ABR: variants seen among roughly 807,000 people sequenced by gnomAD.
The protein encoded by ABR is active breakpoint cluster region-related protein.
In ABR, 35 loss-of-function variants were observed where a neutral mutation model predicts 107.2. The ratio of observed to expected loss-of-function variants is 0.33; its 90% confidence interval spans 0.25 to 0.43. ABR has a LOEUF of 0.43. Ranked by LOEUF, ABR falls within the 20% of genes least tolerant of loss-of-function variation. ABR has a pLI of 1.00. For synonymous variants in ABR, 498 were observed against 462.0 expected (o/e 1.08, Z -1.00); for missense variants, 815 against 1,115.2 (o/e 0.73, Z 3.83).
rs576296776 is a variant in ABR at position 1,200,383 on chromosome 17, T to A, written c.838+28410A>T. 5.7e-4 allele frequency among the ~76,000 whole-genome samples: 86 copies of A among 151,982 alleles called. No homozygotes were observed. The highest frequency in any genetic ancestry group is 1.8e-3 in the African/African-American group (73 of 41,458). ...AAGACACTGTCTCCATTAAAAAAAA[T>A]TTTTTTAAATAAAGTCTATGGGAGA... On this transcript the variant is annotated intron_variant, in intron 1 of 22. Transcript: ENST00000574139. This position sits in a 1 kb window ranked among gnomAD's most constrained non-coding sequence, Gnocchi z 4.1.
chr17:1,006,020 G>A lies in ABR; in HGVS notation c.*60C>T. ...TTCTATTGCAGTCTTTCAAGTCTGA[G>A]TTGGACCCCAGGCTGGAGGGGCTGG... On this transcript the variant is annotated 3_prime_UTR_variant, in exon 23 of 23. Transcript: ENST00000302538. 1.4e-6 allele frequency: 2 copies of A among 1,433,994 alleles called. No individual in the cohort carries two copies. Among genetic ancestry groups the A allele is most frequent in the East Asian group, 5.0e-5 (2 of 40,376 alleles). 88.8% of individuals were successfully genotyped at this position (1,433,994 alleles called of 1,614,324 possible).
At chr17:1,192,938 C>G (rs543066214) in intron 1 of ABR, among the ~76,000 whole-genome samples, 1 of 152,174 alleles carries the variant, frequency 6.6e-6, no homozygotes, top group East Asian at 1.9e-4. Context: ...ATCCCAGCTA[C>G]TGGGGAGGCT....
At chr17:1,106,423 G>GCA (rs35089600) in intron 2 of ABR, among the ~76,000 whole-genome samples, 78,757 of 150,664 alleles carry the variant, frequency 0.52, 20,837 homozygotes, top group East Asian at 0.77. Flanking sequence ...CCCTTGGCCT[G>GCA]CACACACACA....
intron 2 of ABR, chr17:1,109,119 C>CGGGA (rs765039411): frequency 4.4e-4 from 586 of 1,320,726 alleles, no homozygotes; most frequent in Non-Finnish European, 5.6e-4. Context: ...CACGCAGCGG[C>CGGGA]GGCGGGAGGA....
In ABR at chr17:1,148,173, G is replaced by A. The variant is rs1022366280; in HGVS notation, c.62-22806C>T. 3.9e-5 allele frequency among the ~76,000 whole-genome samples: 6 copies of A among 152,208 alleles called. No homozygotes were observed. Among genetic ancestry groups the A allele is most frequent in the Non-Finnish European group, 7.3e-5 (5 of 68,034 alleles). ...ATTCCTAAGAGCATTATTGACACTT[G>A]CCAAAAAACAGAAACACCTCAAGTG... On this transcript the variant is annotated intron_variant, in intron 1 of 22. Coordinates refer to ENST00000302538, the MANE Select transcript of ABR (RefSeq NM_021962.5). The surrounding 1 kb of genome is among the most constrained non-coding windows in gnomAD (Gnocchi z 4.9).
intron 3 of ABR, 112 bp from the exon 4 acceptor site, chr17:1,091,962 A>C: frequency 8.8e-7 from 1 of 1,130,492 alleles, no homozygotes; most frequent in Non-Finnish European, 1.3e-6. Flanking sequence ...CTGCCCAGAC[A>C]AGGCTGCCAA....
intron 1 of ABR, among the ~76,000 whole-genome samples, chr17:1,130,801 G>C (rs1255042240): frequency 6.6e-6 from 1 of 152,212 alleles, no homozygotes; most frequent in East Asian, 1.9e-4. Flanking sequence ...AGAAGACAGA[G>C]GCAAGGTTTG....
At position 1,079,455 on chromosome 17, in the gene ABR, A is replaced by G. The variant is rs2036033037; in HGVS notation, c.640-65T>C. ...CTCACCTCTCCCAGCCCCCACTGTGAGCCTGGCAAGAAGGGGAGTTCTGAA... is the reference window on the plus strand; with the variant it reads ...CTCACCTCTCCCAGCCCCCACTGTGGGCCTGGCAAGAAGGGGAGTTCTGAA... On this transcript the variant is annotated intron_variant, in intron 5 of 22. Transcript: ENST00000302538. The G allele has an allele frequency of 4.1e-6, 6 of 1,464,108 alleles. No individual in the cohort carries two copies. In the South Asian group the frequency reaches 5.9e-5, roughly 14 times the overall value. 90.7% of individuals were successfully genotyped at this position (1,464,108 alleles called of 1,614,324 possible). A position where few individuals can be genotyped will look rare whatever the true frequency, so the allele number is the denominator to read the frequency against.
chr17:1,005,522 G>T lies in ABR; in HGVS notation c.*558C>A. ...ACCACTGCTGCCGCGGCAACCCAGGGCCTCTTCAGAGCTTTCAAGGCGATG... is the reference window on the plus strand; with the variant it reads ...ACCACTGCTGCCGCGGCAACCCAGGTCCTCTTCAGAGCTTTCAAGGCGATG... On this transcript the variant is annotated 3_prime_UTR_variant, in exon 23 of 23. Transcript: ENST00000302538. 4.7e-6 allele frequency: 1 copy of T among 212,316 alleles called. No individual in the cohort carries two copies. The highest frequency in any genetic ancestry group is 1.0e-4 in the East Asian group (1 of 9,896). The allele number at this position is 212,316 out of a possible 1,614,324, so 13.2% of individuals were successfully genotyped here. A position where few individuals can be genotyped will look rare whatever the true frequency, so the allele number is the denominator to read the frequency against.
intron 6 of ABR, among the ~76,000 whole-genome samples, chr17:1,077,942 G>A (rs962412866): frequency 3.9e-5 from 6 of 152,196 alleles, no homozygotes; most frequent in African/African-American, 7.2e-5. Flanking sequence ...TCTTGAGGCA[G>A]GGTCCACGGG....
chr17:1,213,825 C>T (rs950734111), intron 1 of ABR, among the ~76,000 whole-genome samples: 2 of 152,162 alleles, frequency 1.3e-5, no homozygotes, highest in Non-Finnish European at 2.9e-5. Context: ...GGTTCCAAAG[C>T]GACAAAACTG....
intron 2 of ABR, among the ~76,000 whole-genome samples, chr17:1,111,121 G>A (rs1567776421): frequency 1.3e-5 from 2 of 152,160 alleles, no homozygotes; most frequent in Non-Finnish European, 2.9e-5. Flanking sequence ...ACGAAGAAGG[G>A]CCTAAAACCC....
intron 1 of ABR, among the ~76,000 whole-genome samples, chr17:1,167,236 C>G (rs537341189): frequency 3.9e-4 from 59 of 152,106 alleles, no homozygotes; most frequent in Non-Finnish European, 6.3e-4. Context: ...TAACACCCAG[C>G]TCCACCTCCT....
At chr17:1,110,381 C>T (rs1367514407) in intron 2 of ABR, among the ~76,000 whole-genome samples, 1 of 151,918 alleles carries the variant, frequency 6.6e-6, no homozygotes, top group African/African-American at 2.4e-5. Flanking sequence ...TGAGGCCAGC[C>T]GGTGAAGCGA....
chr17:1,057,900 G>A (rs970632456), intron 12 of ABR, 70 bp downstream of exon 12: 22 of 1,402,472 alleles, frequency 1.6e-5, no homozygotes, highest in East Asian at 2.3e-5. Context: ...GACATGAAAC[G>A]CTTAGAAATA....
At chr17:1,018,277 C>CAG (rs1457342598) in intron 16 of ABR, among the ~76,000 whole-genome samples, 2 of 149,980 alleles carry the variant, frequency 1.3e-5, no homozygotes, top group Non-Finnish European at 3.0e-5. Flanking sequence ...CTCCTGACCT[C>CAG]GTGATTCGCC....
At chr17:1,099,163 C>A (rs35579671) in intron 3 of ABR, among the ~76,000 whole-genome samples, 17,891 of 151,860 alleles carry the variant, frequency 0.12, 1,184 homozygotes, top group South Asian at 0.23. Context: ...ACGACCTTCG[C>A]CCCCAGATTC....
rs1248979097 is a variant in ABR, at chr17:1,078,296, C to T, written c.700+1034G>A. 1.3e-5 allele frequency among the ~76,000 whole-genome samples: 2 copies of T among 152,156 alleles called. No homozygotes were observed. The highest frequency in any genetic ancestry group is 2.1e-4 in the South Asian group (1 of 4,832). Reference sequence around the variant, plus strand: ...TGTCCTCCGCCTACTGCTGCATGTGCGCGGAGCACACAATACCGTGCCGCC... The same window carrying T: ...TGTCCTCCGCCTACTGCTGCATGTGTGCGGAGCACACAATACCGTGCCGCC... On this transcript the variant is annotated intron_variant, in intron 6 of 22. Coordinates refer to ENST00000302538, the MANE Select transcript of ABR (RefSeq NM_021962.5). The surrounding 1 kb of genome is among the most constrained non-coding windows in gnomAD (Gnocchi z 7.5).
intron 1 of ABR, among the ~76,000 whole-genome samples, chr17:1,194,977 G>A (rs2042522915): frequency 6.8e-6 from 1 of 147,572 alleles, no homozygotes; most frequent in Non-Finnish European, 1.5e-5. Flanking sequence ...ATTTTGTACA[G>A]ACAGAACCTC....
Sources: allele counts gnomAD v4.1 joint callset (sites outside exome capture counted in the v4.1 genomes callset), GRCh38; gene constraint gnomAD v4.1.1; non-coding constraint Gnocchi (gnomAD v3.1); transcripts MANE v1.5; gene names NCBI Gene and HGNC (gene_info 2026-07-23, HGNC 2026-07-21).